CNTN1: variants seen among roughly 807,000 people sequenced by gnomAD.
The protein encoded by CNTN1 is contactin 1, also known as contactin-1.
Under a neutral mutation model 126.4 loss-of-function variants are expected in CNTN1, and 38 were observed. That is an observed-to-expected ratio of 0.30 (90% CI 0.23 to 0.39). The LOEUF (loss-of-function observed/expected upper bound fraction) is 0.39, where lower values mean the gene tolerates loss of function less well. Ranked by LOEUF, CNTN1 falls within the 10% of genes least tolerant of loss-of-function variation. The pLI, the probability that CNTN1 is intolerant of heterozygous loss-of-function variation, is 1.00. For synonymous variants in CNTN1, 413 were observed against 422.6 expected, an observed-to-expected ratio of 0.98 and a Z score of 0.28; for missense variants, 1,009 against 1,248.4, an observed-to-expected ratio of 0.81 and a Z score of 2.89.
intron 1 of CNTN1, among the ~76,000 whole-genome samples, chr12:40,714,043 G>A (rs749986801): frequency 1.9e-4 from 29 of 152,036 alleles, no homozygotes; most frequent in Non-Finnish European, 3.8e-4. Flanking sequence ...TCTATGTGGT[G>A]TGAGATGGGA....
chr12:40,888,268 C>A (rs921196167), intron 1 of CNTN1, among the ~76,000 whole-genome samples: 1 of 152,014 alleles, frequency 6.6e-6, no homozygotes, highest in Admixed American at 6.5e-5. Context: ...TTCACTGTTA[C>A]GGACTTTTTA....
At chr12:40,893,132 T>C (rs1233513111) in intron 1 of CNTN1, among the ~76,000 whole-genome samples, 2 of 152,020 alleles carry the variant, frequency 1.3e-5, no homozygotes, top group African/African-American at 4.8e-5. Context: ...TCACCTAAAG[T>C]TTTCCAGTTA....
chr12:40,856,179 C>A (rs1310021654), intron 1 of CNTN1, among the ~76,000 whole-genome samples: 1 of 152,010 alleles, frequency 6.6e-6, no homozygotes, highest in Non-Finnish European at 1.5e-5. Context: ...TATCTAAAAT[C>A]TTTTTCCAAG....
At chr12:40,965,685 C>T (rs1206721165) in intron 15 of CNTN1, among the ~76,000 whole-genome samples, 1 of 152,060 alleles carries the variant, frequency 6.6e-6, no homozygotes, top group Non-Finnish European at 1.5e-5. Flanking sequence ...TTAGTGAGGG[C>T]CACAGGACCG....
Position 41,014,183 on chromosome 12 carries a change from C to A in CNTN1, c.2114-45C>A, listed in dbSNP as rs767610371. 3 of 1,585,316 alleles carry A rather than the reference C, an allele frequency of 1.9e-6. No homozygotes were observed. The South Asian group carries it at 3.3e-5, about 18-fold the overall frequency. On this transcript the variant is annotated intron_variant, in intron 17 of 23. Coordinates refer to ENST00000551295, the MANE Select transcript of CNTN1 (RefSeq NM_001843.4). ...CTAACACCAGGAAAAAAATGCAGGC[C>A]CTCTTTTTGTTGTTGTTTTGCATAT... is the stretch of plus-strand genomic sequence containing the variant.
chr12:40,737,326 A>AGT lies in CNTN1; in HGVS notation c.-77+44751_-77+44752dup, dbSNP rs372061727. On this transcript the variant is annotated intron_variant, in intron 1 of 23. Transcript: ENST00000551295. The stretch of plus-strand genomic sequence containing the variant: ...GTGTGTATATACACATATACATGGG[A>AGT]GTGTGTGTGTGTGTGTGTATATATG... Among the ~76,000 whole-genome samples, 225 of 118,980 alleles carry AGT rather than the reference A, an allele frequency of 1.9e-3. 2 individuals carry two copies. Among genetic ancestry groups the AGT allele is most frequent in the African/African-American group, 3.9e-3 (128 of 32,474 alleles). The allele number at this position is 118,980 out of a possible 152,430, so 78.1% of individuals were successfully genotyped here. A position where few individuals can be genotyped will look rare whatever the true frequency, so the allele number is the denominator to read the frequency against.
At chr12:41,061,340 G>C (rs56117569) in intron 23 of CNTN1, among the ~76,000 whole-genome samples, 1,635 of 152,270 alleles carry the variant, frequency 0.011, 8 homozygotes, top group Middle Eastern at 0.024. Flanking sequence ...GCATCCTGGT[G>C]ATCTGGTGTT....
chr12:40,800,602 C>T lies in CNTN1; in HGVS notation c.-76-107755C>T, dbSNP rs538555217. ...CACTTTTGATAGAGAAGAAAAGTGA[C>T]GGCTTAATCATTGAGAGTACAGACA... On this transcript the variant is annotated intron_variant, in intron 1 of 23. Transcript: ENST00000551295. Among the ~76,000 whole-genome samples the T allele has an allele frequency of 3.9e-5, 6 of 152,034 alleles. No homozygotes were observed. In the East Asian group the frequency reaches 7.8e-4, roughly 20 times the overall value.
rs371368001 is a variant in CNTN1 at position 40,732,162 on chromosome 12, T to C, written c.-77+39570T>C. ...CCGTATGGAAGGGTCAGAGCAATTT[T>C]AAGCCTATAGTGCTTAATTTAGGCA... On this transcript the variant is annotated intron_variant, in intron 1 of 23. Transcript: ENST00000551295. Among the ~76,000 whole-genome samples the C allele has an allele frequency of 8.5e-5, 13 of 152,186 alleles. No individual in the cohort carries two copies. In the South Asian group the frequency reaches 1.9e-3, roughly 22 times the overall value.
chr12:40,933,460 G>A lies in CNTN1; in HGVS notation c.704-1G>A, dbSNP rs374930846. ...GATATTTGTGTTTCTCTTAATATTA[G>A]GAACAACAAAACCATATCCTGCTGA... On this transcript the variant is annotated splice_acceptor_variant, in intron 7 of 23. Transcript: ENST00000551295. LOFTEE classifies it high-confidence loss of function. 3 of 1,589,678 alleles carry A rather than the reference G, an allele frequency of 1.9e-6. No individual in the cohort carries two copies. The highest frequency in any genetic ancestry group is 1.3e-5 in the African/African-American group (1 of 74,252).
chr12:40,830,003 C>T (rs921518144), intron 1 of CNTN1, among the ~76,000 whole-genome samples: 1 of 152,026 alleles, frequency 6.6e-6, no homozygotes, highest in South Asian at 2.1e-4. Flanking sequence ...ATAAAAGCTC[C>T]CGTGCTGGGT....
At chr12:40,966,335 G>A (rs1947308782) in intron 15 of CNTN1, among the ~76,000 whole-genome samples, 3 of 151,882 alleles carry the variant, frequency 2.0e-5, no homozygotes, top group African/African-American at 2.4e-5. Context: ...ACAACTGGGC[G>A]CCATTCTGAG....
intron 12 of CNTN1, among the ~76,000 whole-genome samples, chr12:40,941,047 G>A (rs1183550388): frequency 2.0e-5 from 3 of 152,068 alleles, no homozygotes; most frequent in African/African-American, 7.2e-5. Flanking sequence ...TTCAACCAAG[G>A]ATTTCCCAGA....
chr12:40,730,692 T>C (rs961084346), intron 1 of CNTN1, among the ~76,000 whole-genome samples: 4 of 152,204 alleles, frequency 2.6e-5, no homozygotes, highest in African/African-American at 9.6e-5. Context: ...TAATATAATT[T>C]CATACCACTG....
In CNTN1 at chr12:40,910,645, G is replaced by A. The variant is rs147857554; in HGVS notation, c.94+540G>A. Among the ~76,000 whole-genome samples the A allele has an allele frequency of 8.9e-3, 1,350 of 152,256 alleles. 18 individuals are homozygous for A. The highest frequency in any genetic ancestry group is 0.031 in the African/African-American group (1,278 of 41,548). On this transcript the variant is annotated intron_variant, in intron 3 of 23. Transcript: ENST00000551295. ...AAATACAGAGTCTAGAGTAAGACCA[G>A]CCTGAATTTGCATTTTCAGCTCAGT... is the stretch of plus-strand genomic sequence containing the variant.
intron 1 of CNTN1, among the ~76,000 whole-genome samples, chr12:40,796,679 G>A (rs1222156925): frequency 1.3e-5 from 2 of 152,076 alleles, no homozygotes; most frequent in African/African-American, 4.8e-5. Flanking sequence ...CTTGCAAGGT[G>A]GGAATCTGGG....
At chr12:40,954,114 G>A (rs1266077656) in intron 14 of CNTN1, among the ~76,000 whole-genome samples, 2 of 151,958 alleles carry the variant, frequency 1.3e-5, no homozygotes, top group South Asian at 2.1e-4. Flanking sequence ...ATTAGACACC[G>A]AAGCAACCAA....
chr12:40,904,098 A>C (rs1944713276), intron 1 of CNTN1, among the ~76,000 whole-genome samples: 1 of 152,064 alleles, frequency 6.6e-6, no homozygotes, highest in Admixed American at 6.6e-5. Context: ...GGCTCACTGC[A>C]AGCTCCGCCT....
At chr12:40,923,098 G>A (rs1158896427) in intron 5 of CNTN1, among the ~76,000 whole-genome samples, 1 of 151,468 alleles carries the variant, frequency 6.6e-6, no homozygotes, top group Non-Finnish European at 1.5e-5. Flanking sequence ...GCAACATAAT[G>A]TCTGTGACTC....
Sources: allele counts gnomAD v4.1 joint callset (sites outside exome capture counted in the v4.1 genomes callset), GRCh38; gene constraint gnomAD v4.1.1; transcripts MANE v1.5; gene names NCBI Gene and HGNC (gene_info 2026-07-23, HGNC 2026-07-21).